The following HSPA6 variants were observed in gnomAD, a reference collection of about 807,000 sequenced individuals.
HSPA6 encodes the protein heat shock protein family A (Hsp70) member 6.
For synonymous variants in HSPA6, 312 were observed against 368.2 expected (o/e 0.85, Z 1.75); for missense variants, 718 against 860.9 (o/e 0.83, Z 2.08).
rs1181813833 is a variant in HSPA6 at position 161,524,977 on chromosome 1, G to T, written c.319G>T (p.Val107Leu). Reference sequence around the variant, plus strand: ...CGAGGGCGGCAAGCCCAAGGTGCGCGTATGCTACCGCGGGGAGGACAAGAC... The same window carrying T: ...CGAGGGCGGCAAGCCCAAGGTGCGCTTATGCTACCGCGGGGAGGACAAGAC... ...VSEGGKPKVR[V>L]CYRGEDKTFY... The change falls in exon 1 of 1, where the codon GTA becomes TTA. Residue 107 changes from valine to leucine, a missense_variant. Physicochemically the swap from Val to Leu is conservative, Grantham distance 32 (BLOSUM62 1). Transcript: ENST00000309758. The T allele has an allele frequency of 6.2e-7, 1 of 1,613,372 alleles. No homozygotes were observed. The highest frequency in any genetic ancestry group is 2.2e-5 in the East Asian group (1 of 44,870).
rs1200310441 is a variant in HSPA6, at chr1:161,526,386, T to G, written c.1728T>G (p.Cys576Trp). 5 of 1,599,096 alleles carry G rather than the reference T, an allele frequency of 3.1e-6. No individual in the cohort carries two copies. Among genetic ancestry groups the G allele is most frequent in the Non-Finnish European group, 4.3e-6 (5 of 1,171,922 alleles). Residue 576 changes from cysteine (C) to tryptophan (W), a missense_variant, in exon 1 of 1, where the codon TGT (cysteine) becomes TGG (tryptophan). Cys to Trp is a radical substitution (Grantham distance 215, BLOSUM62 -2). Transcript: ENST00000309758. ...ACAGGCGCAAAATGCAAGACAAGTG[T>G]CGGGAAGTCCTTGCCTGGCTGGAGC... ...EEDRRKMQDK[C>W]REVLAWLEHN...
In HSPA6 at chr1:161,525,313, T is replaced by C; in HGVS notation, c.655T>C (p.Phe219Leu). 1 of 1,613,990 alleles carries C rather than the reference T, an allele frequency of 6.2e-7. No individual in the cohort carries two copies. Among genetic ancestry groups the C allele is most frequent in the Non-Finnish European group, 8.5e-7 (1 of 1,179,946 alleles). Residue 219 changes from phenylalanine to leucine, a missense_variant, in exon 1 of 1, where the codon TTT becomes CTT. Phe to Leu is a conservative substitution (Grantham distance 22, BLOSUM62 0). Transcript: ENST00000309758. ...VSVLSIDAGV[F>L]EVKATAGDTH... is the part of the protein sequence containing the mutation. ...GGTTCTCTCCATTGACGCTGGTGTC[T>C]TTGAGGTGAAAGCCACTGCTGGAGA...
In HSPA6 at chr1:161,526,017, G is replaced by C; in HGVS notation, c.1359G>C (p.Lys453Asn). 1 of 1,613,788 alleles carries C rather than the reference G, an allele frequency of 6.2e-7. No individual in the cohort carries two copies. Among genetic ancestry groups the C allele is most frequent in the South Asian group, 1.1e-5 (1 of 91,018 alleles). Residue 453 changes from lysine (K) to asparagine (N), a missense_variant, in exon 1 of 1, where the codon AAG becomes AAC. Physicochemically the swap from Lys to Asn is moderately conservative, Grantham distance 94. Transcript: ENST00000309758. ...ATGAGGGTGAGAGGGCCATGACCAA[G>C]GACAACAACCTGCTGGGGCGTTTTG... ...QVYEGERAMTKDNNLLGRFEL... is the reference protein window; with the variant it reads ...QVYEGERAMTNDNNLLGRFEL...
Position 161,524,566 on chromosome 1 carries a change from A to C in HSPA6, c.-93A>C. 7.1e-6 allele frequency: 10 copies of C among 1,403,396 alleles called. No individual in the cohort carries two copies. Among genetic ancestry groups the C allele is most frequent in the Non-Finnish European group, 9.7e-6 (10 of 1,027,912 alleles). 86.9% of individuals were successfully genotyped at this position (1,403,396 alleles called of 1,614,324 possible). ...GATCCGAGCCGGGCTGGCTGCAGAG[A>C]AACCGCAGGGAGAGCCTCACTGCTG... On this transcript the variant is annotated 5_prime_UTR_variant, in exon 1 of 1. Coordinates refer to ENST00000309758, the MANE Select transcript of HSPA6 (RefSeq NM_002155.5).
Position 161,526,131 on chromosome 1 carries a change from A to G in HSPA6, c.1473A>G (p.Thr491=), listed in dbSNP as rs1227237831. 1.2e-6 allele frequency: 2 copies of G among 1,613,730 alleles called. No homozygotes were observed. Among genetic ancestry groups the G allele is most frequent in the Admixed American group, 1.7e-5 (1 of 59,988 alleles). Residue 491 remains threonine, a synonymous_variant, in exon 1 of 1, where the codon ACA becomes ACG. Transcript: ENST00000309758. The stretch of plus-strand genomic sequence containing the variant: ...ATGCTAATGGCATCCTGAGCGTGAC[A>G]GCCACTGACAGGAGCACAGGTAAGG... ...DIDANGILSV[T]ATDRSTGKAN...
At position 161,525,329 on chromosome 1, in the gene HSPA6, C is replaced by G. The variant is rs1262508513; in HGVS notation, c.671C>G (p.Thr224Ser). 2.5e-5 allele frequency: 40 copies of G among 1,613,886 alleles called. No individual in the cohort carries two copies. Among genetic ancestry groups the G allele is most frequent in the Non-Finnish European group, 3.2e-5 (38 of 1,179,952 alleles). ...GCTGGTGTCTTTGAGGTGAAAGCCA[C>G]TGCTGGAGATACCCACCTGGGAGGA... ...IDAGVFEVKA[T>S]AGDTHLGGED... is the part of the protein sequence containing the mutation. The change falls in exon 1 of 1, where the codon ACT becomes AGT. Residue 224 changes from threonine to serine, a missense_variant. By Grantham distance (58) the Thr-to-Ser change is moderately conservative (BLOSUM62 1). Coordinates refer to ENST00000309758, the MANE Select transcript of HSPA6 (RefSeq NM_002155.5).
rs1157873635 is a variant in HSPA6, at chr1:161,525,432, C to T, written c.774C>T (p.Asn258=). ...RRKHGKDLSG[N]KRALRRLRTA... The stretch of plus-strand genomic sequence containing the variant: ...AGCATGGGAAGGACCTGAGCGGGAA[C>T]AAGCGTGCCCTGCGCAGGCTGCGCA... The change falls in exon 1 of 1, where the codon AAC becomes AAT. Residue 258 remains asparagine, a synonymous_variant. Transcript: ENST00000309758. The T allele has an allele frequency of 6.2e-7, 1 of 1,611,170 alleles. No homozygotes were observed. Among genetic ancestry groups the T allele is most frequent in the African/African-American group, 1.3e-5 (1 of 74,842 alleles).
At position 161,526,295 on chromosome 1, in the gene HSPA6, C is replaced by G; in HGVS notation, c.1637C>G (p.Ala546Gly). The G allele has an allele frequency of 6.2e-7, 1 of 1,609,942 alleles. No homozygotes were observed. The highest frequency in any genetic ancestry group is 1.1e-5 in the South Asian group (1 of 90,624). The stretch of plus-strand genomic sequence containing the variant: ...GTGGCTGCCAAAAACTCGCTGGAGG[C>G]CCATGTCTTCCATGTGAAAGGTTCT... Reference protein sequence around the residue: ...DRVAAKNSLEAHVFHVKGSLQ... With the variant: ...DRVAAKNSLEGHVFHVKGSLQ... Residue 546 changes from alanine (A) to glycine (G), a missense_variant, in exon 1 of 1, where the codon GCC (alanine) becomes GGC (glycine). Transcript: ENST00000309758.
rs767187869 is a variant in HSPA6, at chr1:161,526,411, C to T, written c.1753C>T (p.His585Tyr). The T allele has an allele frequency of 3.8e-6, 6 of 1,591,840 alleles. No individual in the cohort carries two copies. The South Asian group carries it at 4.5e-5, about 12-fold the overall frequency. Residue 585 changes from histidine to tyrosine, a missense_variant, in exon 1 of 1, where the codon CAC becomes TAC. By Grantham distance (83) the His-to-Tyr change is moderately conservative. Coordinates refer to ENST00000309758, the MANE Select transcript of HSPA6 (RefSeq NM_002155.5). ...KCREVLAWLE[H>Y]NQLAEKEEYE... The stretch of plus-strand genomic sequence containing the variant: ...TCGGGAAGTCCTTGCCTGGCTGGAG[C>T]ACAACCAGCTGGCAGAGAAGGAGGA...
rs760627870 is a variant in HSPA6 at position 161,526,080 on chromosome 1, C to G, written c.1422C>G (p.Pro474=). 6.2e-6 allele frequency: 10 copies of G among 1,613,816 alleles called. No individual in the cohort carries two copies. Among genetic ancestry groups the G allele is most frequent in the Non-Finnish European group, 8.5e-6 (10 of 1,179,888 alleles). ...TCCCTCCTGCCCCACGTGGAGTCCCCCAGATAGAGGTGACTTTTGACATTG... is the reference window on the plus strand; with the variant it reads ...TCCCTCCTGCCCCACGTGGAGTCCCGCAGATAGAGGTGACTTTTGACATTG... ...SGIPPAPRGV[P]QIEVTFDIDA... The change falls in exon 1 of 1, where the codon CCC becomes CCG. Residue 474 remains proline (P), a synonymous_variant. Coordinates refer to ENST00000309758, the MANE Select transcript of HSPA6 (RefSeq NM_002155.5).
chr1:161,525,106 G>A lies in HSPA6; in HGVS notation c.448G>A (p.Ala150Thr), dbSNP rs10919224. The A allele has an allele frequency of 5.8e-5, 93 of 1,613,704 alleles. 1 individual carries two copies. The highest frequency in any genetic ancestry group is 6.6e-5 in the South Asian group (6 of 91,034). The stretch of plus-strand genomic sequence containing the variant: ...GAAGCACGCAGTGATCACCGTGCCC[G>A]CCTATTTCAATGACTCGCAGCGCCA... ...PVKHAVITVP[A>T]YFNDSQRQAT... The change falls in exon 1 of 1, where the codon GCC becomes ACC. Residue 150 changes from alanine (A) to threonine (T), a missense_variant. Physicochemically the swap from Ala to Thr is moderately conservative, Grantham distance 58. Transcript: ENST00000309758.
Position 161,525,623 on chromosome 1 carries a change from C to G in HSPA6, c.965C>G (p.Ala322Gly). 6.2e-7 allele frequency: 1 copy of G among 1,613,792 alleles called. No homozygotes were observed. The highest frequency in any genetic ancestry group is 2.2e-5 in the East Asian group (1 of 44,874). ...FRSTLEPVEK[A>G]LRDAKLDKAQ... ...AGCACCCTGGAGCCGGTGGAGAAGG[C>G]CCTGCGGGATGCCAAGCTGGACAAG... The change falls in exon 1 of 1, where the codon GCC becomes GGC. Residue 322 changes from alanine to glycine, a missense_variant. Ala to Gly is a moderately conservative substitution (Grantham distance 60, BLOSUM62 0). Transcript: ENST00000309758.
At position 161,526,556 on chromosome 1, in the gene HSPA6, C is replaced by T; in HGVS notation, c.1898C>T (p.Pro633Leu). Residue 633 changes from proline to leucine, a missense_variant, in exon 1 of 1, where the codon CCC (proline) becomes CTC (leucine). Transcript: ENST00000309758. ...SCGTQARQGD[P>L]STGPIIEEVD ...GGCACTCAAGCCCGCCAGGGGGACC[C>T]CAGCACCGGCCCCATCATTGAGGAG... 1 of 1,564,212 alleles carries T rather than the reference C, an allele frequency of 6.4e-7. No homozygotes were observed. Among genetic ancestry groups the T allele is most frequent in the South Asian group, 1.2e-5 (1 of 84,044 alleles).
Position 161,525,225 on chromosome 1 carries a change from G to T in HSPA6, c.567G>T (p.Arg189=). The T allele has an allele frequency of 1.2e-6, 2 of 1,614,032 alleles. No homozygotes were observed. The highest frequency in any genetic ancestry group is 1.7e-6 in the Non-Finnish European group (2 of 1,179,968). Residue 189 remains arginine, a synonymous_variant, in exon 1 of 1, where the codon CGG becomes CGT. Transcript: ENST00000309758. ...CTGCCATCGCCTATGGGCTGGACCG[G>T]CGGGGCGCGGGAGAGCGCAACGTGC... The part of the protein sequence containing the change: ...TAAAIAYGLD[R]RGAGERNVLI...
In HSPA6 at chr1:161,526,813, A is replaced by T. The variant is rs1676717004; in HGVS notation, c.*223A>T. ...TTATTAAAACTTGTGTGGCACTTTA[A>T]CATTGCTTTCACCTATATTTTGTGT... On this transcript the variant is annotated 3_prime_UTR_variant, in exon 1 of 1. Transcript: ENST00000309758. The T allele has an allele frequency of 2.2e-6, 1 of 459,566 alleles. No individual in the cohort carries two copies. The highest frequency in any genetic ancestry group is 2.0e-5 in the African/African-American group (1 of 50,296). The allele number at this position is 459,566 out of a possible 1,614,324, so 28.5% of individuals were successfully genotyped here. A position where few individuals can be genotyped will look rare whatever the true frequency, so the allele number is the denominator to read the frequency against.
rs1290078806 is a variant in HSPA6 at position 161,525,214 on chromosome 1, G to A, written c.556G>A (p.Gly186Arg). 1 of 1,613,920 alleles carries A rather than the reference G, an allele frequency of 6.2e-7. No homozygotes were observed. The highest frequency in any genetic ancestry group is 1.3e-5 in the African/African-American group (1 of 74,914). The change falls in exon 1 of 1, where the codon GGG (glycine) becomes AGG (arginine). Residue 186 changes from glycine (G) to arginine (R), a missense_variant. Transcript: ENST00000309758. ...NEPTAAAIAY[G>R]LDRRGAGERN... ...GCCCACGGCAGCTGCCATCGCCTAT[G>A]GGCTGGACCGGCGGGGCGCGGGAGA...
At position 161,525,227 on chromosome 1, in the gene HSPA6, G is replaced by A. The variant is rs559715630; in HGVS notation, c.569G>A (p.Arg190Gln). 22 of 1,613,988 alleles carry A rather than the reference G, an allele frequency of 1.4e-5. No individual in the cohort carries two copies. The South Asian group carries it at 2.4e-4, about 18-fold the overall frequency. Residue 190 changes from arginine to glutamine, a missense_variant, in exon 1 of 1, where the codon CGG (arginine) becomes CAG (glutamine). By Grantham distance (43) the Arg-to-Gln change is conservative (BLOSUM62 1). Coordinates refer to ENST00000309758, the MANE Select transcript of HSPA6 (RefSeq NM_002155.5). ...GCCATCGCCTATGGGCTGGACCGGCGGGGCGCGGGAGAGCGCAACGTGCTC... is the reference window on the plus strand; with the variant it reads ...GCCATCGCCTATGGGCTGGACCGGCAGGGCGCGGGAGAGCGCAACGTGCTC... ...AAAIAYGLDR[R>Q]GAGERNVLIF...
Position 161,525,273 on chromosome 1 carries a change from C to T in HSPA6, c.615C>T (p.Gly205=), listed in dbSNP as rs1484645201. The change falls in exon 1 of 1, where the codon GGC becomes GGT. Residue 205 remains glycine, a synonymous_variant. Coordinates refer to ENST00000309758, the MANE Select transcript of HSPA6 (RefSeq NM_002155.5). ...TGCTCATTTTTGACCTGGGTGGGGG[C>T]ACCTTCGATGTGTCGGTTCTCTCCA... ...RNVLIFDLGG[G]TFDVSVLSID... is the part of the protein sequence containing the mutation. The T allele has an allele frequency of 6.2e-7, 1 of 1,613,912 alleles. No homozygotes were observed. Among genetic ancestry groups the T allele is most frequent in the Admixed American group, 1.7e-5 (1 of 60,000 alleles).
chr1:161,525,252 C>T lies in HSPA6; in HGVS notation c.594C>T (p.Leu198=). The T allele has an allele frequency of 2.5e-6, 4 of 1,614,038 alleles. No individual in the cohort carries two copies. The South Asian group carries it at 3.3e-5, about 13-fold the overall frequency. ...GGGGCGCGGGAGAGCGCAACGTGCT[C>T]ATTTTTGACCTGGGTGGGGGCACCT... ...DRRGAGERNV[L]IFDLGGGTFD... The change falls in exon 1 of 1, where the codon CTC becomes CTT. Residue 198 remains leucine (L), a synonymous_variant. Coordinates refer to ENST00000309758, the MANE Select transcript of HSPA6 (RefSeq NM_002155.5).
Sources: allele counts gnomAD v4.1 joint callset, GRCh38; gene constraint gnomAD v4.1.1; transcripts MANE v1.5; gene names NCBI Gene and HGNC (gene_info 2026-07-23, HGNC 2026-07-21).